Variants in DLG1 observed in about 807,000 individuals in gnomAD.
DLG1 encodes discs large MAGUK scaffold protein 1.
A neutral mutation model predicts 123.4 loss-of-function variants in DLG1; 42 were observed. The observed-to-expected ratio is 0.34, with a 90% CI of 0.27 to 0.44. The LOEUF (loss-of-function observed/expected upper bound fraction) is 0.44. Ranked by LOEUF, DLG1 falls within the 20% of genes least tolerant of loss-of-function variation. The pLI, the probability that DLG1 is intolerant of heterozygous loss-of-function variation, is 1.00. For missense variants in DLG1, 942 were observed against 1,082.6 expected (o/e 0.87, Z 1.82); for synonymous variants, 317 against 356.2 (o/e 0.89, Z 1.24).
At chr3:197,210,409 G>A (rs1375651109) in intron 4 of DLG1, among the ~76,000 whole-genome samples, 1 of 144,410 alleles carries the variant, frequency 6.9e-6, no homozygotes, top group Non-Finnish European at 1.6e-5. Context: ...CAAGGAAAGA[G>A]AGAATATAAT....
intron 24 of DLG1, among the ~76,000 whole-genome samples, chr3:197,047,070 C>T (rs1260064467): frequency 1.3e-5 from 2 of 152,064 alleles, no homozygotes; most frequent in African/African-American, 2.4e-5. Flanking sequence ...CTGGATCCTG[C>T]ACCAGAACAG....
At chr3:197,240,974 G>A (rs1748549637) in intron 4 of DLG1, among the ~76,000 whole-genome samples, 1 of 152,050 alleles carries the variant, frequency 6.6e-6, no homozygotes, top group East Asian at 1.9e-4. Flanking sequence ...GCAAAAGCAT[G>A]AGGTAGAAAG....
At chr3:197,259,878 G>C (rs555041022) in intron 4 of DLG1, among the ~76,000 whole-genome samples, 13 of 152,236 alleles carry the variant, frequency 8.5e-5, no homozygotes, top group Non-Finnish European at 1.9e-4. Context: ...ATAATAGATG[G>C]AAGAGTCCAG....
At chr3:197,149,710 A>T in intron 6 of DLG1, 33 bp downstream of exon 6, 1 of 1,426,016 alleles carries the variant, frequency 7.0e-7, no homozygotes, top group Non-Finnish European at 9.9e-7. Context: ...GAAAGGCAGA[A>T]TTACTTCAAT....
chr3:197,091,105 A>C, intron 14 of DLG1, 79 bp from the exon 15 acceptor site: 1 of 941,062 alleles, frequency 1.1e-6, no homozygotes, highest in Non-Finnish European at 1.7e-6. Context: ...AAATATGTAA[A>C]CTGTCCTATA....
At chr3:197,080,084 T>C (rs1749897180) in intron 17 of DLG1, among the ~76,000 whole-genome samples, 1 of 151,672 alleles carries the variant, frequency 6.6e-6, no homozygotes, top group Admixed American at 6.6e-5. Context: ...GGCTTACTGC[T>C]AGAATATTCC....
intron 14 of DLG1, among the ~76,000 whole-genome samples, chr3:197,102,301 T>TA (rs1763919033): frequency 6.6e-6 from 1 of 152,164 alleles, no homozygotes; most frequent in Non-Finnish European, 1.5e-5. Flanking sequence ...TCCTGAAAGA[T>TA]AAAAAACTTA....
At chr3:197,152,541 C>T (rs2149786863) in intron 5 of DLG1, among the ~76,000 whole-genome samples, 1 of 147,606 alleles carries the variant, frequency 6.8e-6, no homozygotes, top group South Asian at 2.2e-4. Context: ...CTCTGGGAGG[C>T]CAAGGCGGGT....
At chr3:197,049,392 C>T (rs1278932199) in intron 24 of DLG1, among the ~76,000 whole-genome samples, 1 of 152,242 alleles carries the variant, frequency 6.6e-6, no homozygotes, top group Non-Finnish European at 1.5e-5. Flanking sequence ...ATGTTGAAAT[C>T]TGCACTCCTA....
chr3:197,057,851 GTTTATTGTATTTTATT>G (rs1477883217), intron 23 of DLG1, among the ~76,000 whole-genome samples: 4 of 151,404 alleles, frequency 2.6e-5, no homozygotes, highest in African/African-American at 9.7e-5. Flanking sequence ...ACTCCTAATG[GTTTATTGTATTTTATT>G]TTCAAAGAGA....
chr3:197,251,373 T>A (rs1754378152), intron 4 of DLG1, among the ~76,000 whole-genome samples: 2 of 152,238 alleles, frequency 1.3e-5, no homozygotes, highest in South Asian at 2.1e-4. Context: ...GCTGGAGGCA[T>A]CACGCTACTT....
At chr3:197,230,596 A>G (rs1466898312) in intron 4 of DLG1, among the ~76,000 whole-genome samples, 1 of 152,230 alleles carries the variant, frequency 6.6e-6, no homozygotes, top group Non-Finnish European at 1.5e-5. Context: ...AGCAGTGTTT[A>G]AATAAGCAGT....
At chr3:197,210,245 T>TAAAAAAAAAAAA (rs200692787) in intron 4 of DLG1, among the ~76,000 whole-genome samples, 1 of 105,792 alleles carries the variant, frequency 9.5e-6, no homozygotes, top group African/African-American at 3.2e-5. Flanking sequence ...TGAGAAGCTA[T>TAAAAAAAAAAAA]AAAAAAAAAA....
At chr3:197,045,164 C>T (rs1329951522) in intron 24 of DLG1, among the ~76,000 whole-genome samples, 2 of 150,766 alleles carry the variant, frequency 1.3e-5, no homozygotes, top group East Asian at 3.9e-4. Flanking sequence ...CAGATTGATA[C>T]TACTTTTTTC....
intron 4 of DLG1, among the ~76,000 whole-genome samples, chr3:197,251,135 C>A (rs1390026382): frequency 6.6e-6 from 1 of 151,232 alleles, no homozygotes; most frequent in African/African-American, 2.4e-5. Context: ...CCTGTAACCC[C>A]AGCATTTGGG....
At chr3:197,237,213 T>C (rs1388614126) in intron 4 of DLG1, among the ~76,000 whole-genome samples, 1 of 152,076 alleles carries the variant, frequency 6.6e-6, no homozygotes, top group African/African-American at 2.4e-5. Flanking sequence ...CCATTATATA[T>C]AAAACAAAAA....
chr3:197,154,398 G>A (rs890144461), intron 5 of DLG1, among the ~76,000 whole-genome samples: 14 of 152,028 alleles, frequency 9.2e-5, no homozygotes, highest in Non-Finnish European at 1.5e-4. Flanking sequence ...AAAGATGGCC[G>A]GGCACAGTGG....
intron 13 of DLG1, among the ~76,000 whole-genome samples, chr3:197,110,569 G>A (rs1455949995): frequency 6.6e-6 from 1 of 152,036 alleles, no homozygotes; most frequent in Non-Finnish European, 1.5e-5. Flanking sequence ...CTTTCCGCTT[G>A]TCTCAAAATT....
chr3:197,164,734 T>C (rs1232742877), intron 5 of DLG1, among the ~76,000 whole-genome samples: 1 of 127,816 alleles, frequency 7.8e-6, no homozygotes, highest in Non-Finnish European at 1.7e-5. Context: ...AAACCCCGTC[T>C]CTACTAAAAA....
Sources: gnomAD v4.1 joint callset for allele counts (sites outside exome capture counted in the v4.1 genomes callset) on GRCh38, gnomAD v4.1.1 for gene constraint, MANE v1.5 for transcripts, NCBI Gene and HGNC (gene_info 2026-07-23, HGNC 2026-07-21) for gene names.